The following INPP5J variants were observed in gnomAD, a reference collection of about 807,000 sequenced individuals.
INPP5J encodes inositol polyphosphate-5-phosphatase J.
A neutral mutation model predicts 86.6 loss-of-function variants in INPP5J; 75 were observed. That is an observed-to-expected ratio of 0.87 (90% CI 0.72 to 1.05). The LOEUF (loss-of-function observed/expected upper bound fraction) is 1.05. Ranked by LOEUF, INPP5J falls within the 50% of genes least tolerant of loss-of-function variation. The pLI is 0.00. For missense variants in INPP5J, 1,229 were observed against 1,341.2 expected, an observed-to-expected ratio of 0.92 and a Z score of 1.31; for synonymous variants, 540 against 550.0, an observed-to-expected ratio of 0.98 and a Z score of 0.25.
rs1419874036 is a variant in INPP5J at position 31,127,934 on chromosome 22, T to G, written c.1788-17T>G. 4.6e-6 allele frequency: 4 copies of G among 861,094 alleles called. No homozygotes were observed. The highest frequency in any genetic ancestry group is 7.1e-6 in the Non-Finnish European group (4 of 565,274). 53.3% of individuals were successfully genotyped at this position (861,094 alleles called of 1,614,324 possible). ...CCCACTGCCCCCCACATCTCTCCCA[T>G]CCCCCACCCCAAACAGCCTCGTGTT... On this transcript the variant is annotated splice_polypyrimidine_tract_variant and intron_variant, in intron 6 of 12. Coordinates refer to ENST00000331075, the MANE Select transcript of INPP5J (RefSeq NM_001284285.2).
chr22:31,130,010 C>T (rs1921924608), intron 9 of INPP5J, among the ~76,000 whole-genome samples: 1 of 151,594 alleles, frequency 6.6e-6, no homozygotes, highest in South Asian at 2.1e-4. Flanking sequence ...GAGTTTAAGA[C>T]CGGCCTGAGC....
chr22:31,128,174 C>T, intron 7 of INPP5J, 40 bp from the exon 8 acceptor site: 1 of 1,506,164 alleles, frequency 6.6e-7, no homozygotes, highest in Non-Finnish European at 9.1e-7. Context: ...ACAGCAGAGC[C>T]CAAGCTGTTG....
At position 31,125,592 on chromosome 22, in the gene INPP5J, C is replaced by T; in HGVS notation, c.853C>T (p.Pro285Ser). 2 of 1,550,550 alleles carry T rather than the reference C, an allele frequency of 1.3e-6. No homozygotes were observed. The highest frequency in any genetic ancestry group is 2.4e-5 in the South Asian group (2 of 84,056). ...PRLSPSFRAR[P>S]EALHSSPEDP... ...GCTCTCCCCCTCCTTCCGAGCCCGG[C>T]CTGAGGCCCTCCACAGCAGCCCTGA... Residue 285 changes from proline to serine, a missense_variant, in exon 2 of 13, where the codon CCT becomes TCT. Pro to Ser is a moderately conservative substitution (Grantham distance 74). Coordinates refer to ENST00000331075, the MANE Select transcript of INPP5J (RefSeq NM_001284285.2).
chr22:31,127,102 C>A, intron 5 of INPP5J, 65 bp downstream of exon 5: 2 of 1,146,346 alleles, frequency 1.7e-6, no homozygotes, highest in Non-Finnish European at 2.5e-6. Context: ...AGTCCCCCCG[C>A]CCCATGCACA....
intron 9 of INPP5J, among the ~76,000 whole-genome samples, chr22:31,132,722 G>A (rs1286061087): frequency 6.7e-6 from 1 of 149,372 alleles, no homozygotes; most frequent in Non-Finnish European, 1.5e-5. Flanking sequence ...CTGGGTGACA[G>A]AGCGAGACTC....
At chr22:31,127,729 G>T in intron 6 of INPP5J, 197 bp downstream of exon 6, 1 of 696,596 alleles carries the variant, frequency 1.4e-6, no homozygotes, top group Non-Finnish European at 2.4e-6. Flanking sequence ...TTTGCTGAGG[G>T]GCCCCGCCTT....
At position 31,126,989 on chromosome 22, in the gene INPP5J, G is replaced by T; in HGVS notation, c.1563G>T (p.Leu521=). Residue 521 remains leucine (L), a synonymous_variant, in exon 5 of 13, where the codon CTG becomes CTT. Coordinates refer to ENST00000331075, the MANE Select transcript of INPP5J (RefSeq NM_001284285.2). ...CCAAGTACTACCACCTGCCCTTCCTGCGAGACGTGCAGACCGACTGCACGC... is the reference window on the plus strand; with the variant it reads ...CCAAGTACTACCACCTGCCCTTCCTTCGAGACGTGCAGACCGACTGCACGC... ...LFAKYYHLPF[L]RDVQTDCTRT... 4 of 1,609,916 alleles carry T rather than the reference G, an allele frequency of 2.5e-6. No individual in the cohort carries two copies. Among genetic ancestry groups the T allele is most frequent in the Non-Finnish European group, 3.4e-6 (4 of 1,178,152 alleles).
chr22:31,124,605 G>A (rs1921172579), intron 1 of INPP5J, among the ~76,000 whole-genome samples: 1 of 152,210 alleles, frequency 6.6e-6, no homozygotes, highest in South Asian at 2.1e-4. Context: ...GTCAGGGTCT[G>A]AGTTTCCCCA....
intron 2 of INPP5J, 146 bp downstream of exon 2, chr22:31,126,156 C>A: frequency 1.1e-6 from 1 of 877,212 alleles, no homozygotes; most frequent in Non-Finnish European, 1.7e-6. Context: ...CTCTGTGACG[C>A]TCAGAAGATA....
rs1232949809 is a variant in INPP5J at position 31,133,191 on chromosome 22, A to G, written c.2287A>G (p.Thr763Ala). The part of the protein sequence containing the change: ...EQAVVRYRME[T>A]VFARSSWDWI... ...GGCGGTGGTGAGGTACCGCATGGAA[A>G]CAGTGTTCGCCCGCAGCTCCTGGGA... Residue 763 changes from threonine to alanine, a missense_variant, in exon 10 of 13, where the codon ACA (threonine) becomes GCA (alanine). Transcript: ENST00000331075. 6.2e-7 allele frequency: 1 copy of G among 1,600,306 alleles called. No individual in the cohort carries two copies. The highest frequency in any genetic ancestry group is 8.5e-7 in the Non-Finnish European group (1 of 1,174,408).
At chr22:31,124,363 T>G in intron 1 of INPP5J, 6 of 908,842 alleles carry the variant, frequency 6.6e-6, no homozygotes, top group Non-Finnish European at 7.9e-6. Flanking sequence ...GAGAGGTATT[T>G]AACAAGCTGC....
chr22:31,131,921 CAG>C (rs138852087), intron 9 of INPP5J, among the ~76,000 whole-genome samples: 2,396 of 152,290 alleles, frequency 0.016, 26 homozygotes, highest in Non-Finnish European at 0.022. Context: ...ACTAGGTAAA[CAG>C]GGGATCAGAC....
At position 31,126,059 on chromosome 22, in the gene INPP5J, T is replaced by C; in HGVS notation, c.1271+49T>C. 3 of 1,464,810 alleles carry C rather than the reference T, an allele frequency of 2.0e-6. No individual in the cohort carries two copies. The South Asian group carries it at 4.0e-5, about 20-fold the overall frequency. 90.7% of individuals were successfully genotyped at this position (1,464,810 alleles called of 1,614,324 possible). On this transcript the variant is annotated intron_variant, in intron 2 of 12. Coordinates refer to ENST00000331075, the MANE Select transcript of INPP5J (RefSeq NM_001284285.2). ...AGGTGGCTGGGGCTTAGCTCTGAGG[T>C]TAGCCATTCTTCCAGGGTGGATGGT...
rs760805690 is a variant in INPP5J at position 31,134,046 on chromosome 22, G to A, written c.2648G>A (p.Arg883Gln). ...SRSPSPGKSK[R>Q]HRSRSPGLAR... Reference sequence around the variant, plus strand: ...AGCCCCAGTCCTGGCAAGTCCAAGCGACACCGCAGCCGCAGCCCGGGACTG... The same window carrying A: ...AGCCCCAGTCCTGGCAAGTCCAAGCAACACCGCAGCCGCAGCCCGGGACTG... Residue 883 changes from arginine to glutamine, a missense_variant, in exon 13 of 13, where the codon CGA becomes CAA. Coordinates refer to ENST00000331075, the MANE Select transcript of INPP5J (RefSeq NM_001284285.2). The A allele has an allele frequency of 2.0e-5, 32 of 1,596,692 alleles. No individual in the cohort carries two copies. Among genetic ancestry groups the A allele is most frequent in the African/African-American group, 1.5e-4 (11 of 74,370 alleles).
At position 31,125,783 on chromosome 22, in the gene INPP5J, C is replaced by CA; in HGVS notation, c.1045dup (p.Ser349LysfsTer19). On this transcript the variant is annotated frameshift_variant, in exon 2 of 13. Coordinates refer to ENST00000331075, the MANE Select transcript of INPP5J (RefSeq NM_001284285.2). LOFTEE classifies it high-confidence loss of function. Reference sequence around the variant, plus strand: ...CTCTGCCCAAGCCACCCCGATCACCCAGCCGTTCCCCAAGCCACTCCCCGA... The same window carrying CA: ...CTCTGCCCAAGCCACCCCGATCACCCAAGCCGTTCCCCAAGCCACTCCCCGA... The CA allele has an allele frequency of 6.4e-7, 1 of 1,562,822 alleles. No homozygotes were observed. Among genetic ancestry groups the CA allele is most frequent in the Non-Finnish European group, 8.7e-7 (1 of 1,153,906 alleles).
At position 31,128,373 on chromosome 22, in the gene INPP5J, C is replaced by G. The variant is rs573988357; in HGVS notation, c.2009+50C>G. 2.6e-6 allele frequency: 4 copies of G among 1,563,166 alleles called. No individual in the cohort carries two copies. In the African/African-American group the frequency reaches 4.1e-5, roughly 16 times the overall value. On this transcript the variant is annotated intron_variant, in intron 8 of 12. Coordinates refer to ENST00000331075, the MANE Select transcript of INPP5J (RefSeq NM_001284285.2). Reference sequence around the variant, plus strand: ...GAGGGGAAGTGGGCTGAGGTCTTCTCGAACAGGGAGACTTTGGGAAGAGGG... The same window carrying G: ...GAGGGGAAGTGGGCTGAGGTCTTCTGGAACAGGGAGACTTTGGGAAGAGGG...
rs1269228033 is a variant in INPP5J, at chr22:31,134,410, G to T, written c.3012G>T (p.Leu1004=). ...QGHRGLEEGG[L]GP is the part of the protein sequence containing the mutation. The stretch of plus-strand genomic sequence containing the variant: ...ATCGGGGGCTGGAGGAAGGGGGCCT[G>T]GGGCCCTGAGGGTGGGGTAGGCAGA... The change falls in exon 13 of 13, where the codon CTG becomes CTT. Residue 1004 remains leucine, a synonymous_variant. Transcript: ENST00000331075. 14 of 1,457,414 alleles carry T rather than the reference G, an allele frequency of 9.6e-6. No homozygotes were observed. Among genetic ancestry groups the T allele is most frequent in the Non-Finnish European group, 1.3e-5 (14 of 1,104,174 alleles). The allele number at this position is 1,457,414 out of a possible 1,614,324, so 90.3% of individuals were successfully genotyped here.
chr22:31,126,444 T>G lies in INPP5J; in HGVS notation c.1340T>G (p.Leu447Arg). The change falls in exon 3 of 13, where the codon CTG becomes CGG. Residue 447 changes from leucine to arginine, a missense_variant. Transcript: ENST00000331075. The stretch of plus-strand genomic sequence containing the variant: ...GACGATGTCACATCCCTCCTCCACC[T>G]GGGCGGTGGTGACGACAGCGACGGC... Reference protein sequence around the residue: ...PPDDVTSLLHLGGGDDSDGAD... With the variant: ...PPDDVTSLLHRGGGDDSDGAD... 6.2e-7 allele frequency: 1 copy of G among 1,613,740 alleles called. No homozygotes were observed. Among genetic ancestry groups the G allele is most frequent in the Non-Finnish European group, 8.5e-7 (1 of 1,179,818 alleles).
intron 9 of INPP5J, among the ~76,000 whole-genome samples, chr22:31,129,777 G>A (rs573749760): frequency 1.4e-4 from 21 of 151,082 alleles, no homozygotes; most frequent in East Asian, 2.0e-4. Context: ...CCTGACCTCC[G>A]GTGATCTGCC....
Sources: allele counts gnomAD v4.1 joint callset (sites outside exome capture counted in the v4.1 genomes callset), GRCh38; gene constraint gnomAD v4.1.1; transcripts MANE v1.5; gene names NCBI Gene and HGNC (gene_info 2026-07-23, HGNC 2026-07-21).